The following FARS2 variants were observed in gnomAD, a reference collection of about 807,000 sequenced individuals.
FARS2 encodes the protein phenylalanyl-tRNA synthetase 2, mitochondrial, also known as phenylalanine--tRNA ligase, mitochondrial.
Under a neutral mutation model 46.4 loss-of-function variants are expected in FARS2, and 40 were observed. That is an observed-to-expected ratio of 0.86 (90% CI 0.67 to 1.12). The LOEUF (loss-of-function observed/expected upper bound fraction) is 1.12, where lower values mean the gene tolerates loss of function less well. Among genes scored for constraint, FARS2 ranks in the 50% most tolerant of loss-of-function variants. FARS2 has a pLI of 0.00. For missense variants in FARS2, 513 were observed against 567.9 expected, an observed-to-expected ratio of 0.90 and a Z score of 0.98; for synonymous variants, 234 against 214.9, an observed-to-expected ratio of 1.09 and a Z score of -0.78.
chr6:5,720,186 T>G (rs1288235629), intron 6 of FARS2, among the ~76,000 whole-genome samples: 1 of 152,230 alleles, frequency 6.6e-6, no homozygotes, highest in African/African-American at 2.4e-5. Flanking sequence ...TTTTAAATTT[T>G]TATCTTGATG....
chr6:5,510,086 G>A (rs1212309057), intron 4 of FARS2, among the ~76,000 whole-genome samples: 2 of 152,146 alleles, frequency 1.3e-5, no homozygotes, highest in Non-Finnish European at 2.9e-5. Context: ...ATTTTTATAG[G>A]ACAACCAAAG....
chr6:5,632,831 C>A (rs1776361182), intron 6 of FARS2, among the ~76,000 whole-genome samples: 1 of 151,988 alleles, frequency 6.6e-6, no homozygotes, highest in Non-Finnish European at 1.5e-5. Context: ...CAATTGAGTT[C>A]TCTCTTTTTT....
intron 2 of FARS2, among the ~76,000 whole-genome samples, chr6:5,400,317 T>G (rs1231031194): frequency 1.3e-5 from 2 of 152,086 alleles, no homozygotes; most frequent in Non-Finnish European, 2.9e-5. Context: ...TTGTCAACTT[T>G]TAAAAGTTTC....
chr6:5,752,056 G>A (rs1761978222), intron 6 of FARS2, among the ~76,000 whole-genome samples: 1 of 152,074 alleles, frequency 6.6e-6, no homozygotes. Context: ...GTTGTGCCGT[G>A]CAAAGATCCC....
chr6:5,469,982 A>G (rs1765721772), intron 4 of FARS2, among the ~76,000 whole-genome samples: 1 of 152,232 alleles, frequency 6.6e-6, no homozygotes, highest in Admixed American at 6.5e-5. Flanking sequence ...GACCTTGAAG[A>G]GTTGTAAAAA....
chr6:5,369,810 G>C (rs139095719), intron 2 of FARS2, among the ~76,000 whole-genome samples: 55 of 151,974 alleles, frequency 3.6e-4, no homozygotes, highest in African/African-American at 1.2e-3. Context: ...GCGTCTGTTA[G>C]ATGTTATCCT....
chr6:5,540,224 C>G (rs1770536476), intron 4 of FARS2, among the ~76,000 whole-genome samples: 1 of 152,188 alleles, frequency 6.6e-6, no homozygotes, highest in Non-Finnish European at 1.5e-5. Context: ...CGATTTTGGA[C>G]TCATACCTTT....
chr6:5,746,848 C>T (rs904605608), intron 6 of FARS2, among the ~76,000 whole-genome samples: 3 of 152,172 alleles, frequency 2.0e-5, no homozygotes, highest in Non-Finnish European at 4.4e-5. Context: ...AAGGAGAAAG[C>T]TCTGTGCATG....
intron 6 of FARS2, among the ~76,000 whole-genome samples, chr6:5,744,733 T>G (rs748747029): frequency 1.3e-5 from 2 of 152,140 alleles, no homozygotes; most frequent in African/African-American, 2.4e-5. Flanking sequence ...GCAACACACC[T>G]CAAAGCTCAG....
chr6:5,368,589 A>G lies in FARS2; in HGVS notation c.19A>G (p.Arg7Gly), dbSNP rs369489810. The change falls in exon 2 of 7, where the codon AGG becomes GGG. Residue 7 changes from arginine to glycine, a missense_variant. Arg to Gly is a moderately radical substitution (Grantham distance 125). Coordinates refer to ENST00000274680, the MANE Select transcript of FARS2 (RefSeq NM_006567.5). MVGSAL[R>G]RGAHAYVYLV... ...TTCTACAATGGTGGGCTCAGCTCTC[A>G]GGAGAGGTGCCCATGCATATGTCTA... The G allele has an allele frequency of 6.2e-7, 1 of 1,612,178 alleles. No homozygotes were observed. Among genetic ancestry groups the G allele is most frequent in the African/African-American group, 1.3e-5 (1 of 74,890 alleles).
Position 5,396,140 on chromosome 6 carries a change from A to G in FARS2, c.613-8402A>G, listed in dbSNP as rs145292141. Among the ~76,000 whole-genome samples the G allele has an allele frequency of 4.5e-3, 692 of 152,290 alleles. 1 individual carries two copies. Among genetic ancestry groups the G allele is most frequent in the Non-Finnish European group, 7.6e-3 (515 of 68,016 alleles). ...GTTCATGAAACCTGGAATTCATATA[A>G]ACTGCTTCCCAAGAGCTCCATGTTG... On this transcript the variant is annotated intron_variant, in intron 2 of 6. Coordinates refer to ENST00000274680, the MANE Select transcript of FARS2 (RefSeq NM_006567.5).
At chr6:5,526,028 A>G (rs1256267203) in intron 4 of FARS2, among the ~76,000 whole-genome samples, 2 of 152,260 alleles carry the variant, frequency 1.3e-5, no homozygotes, top group East Asian at 1.9e-4. Context: ...AAACTACTCA[A>G]TTAGTATCTA....
chr6:5,698,360 C>T (rs537164988), intron 6 of FARS2, among the ~76,000 whole-genome samples: 3 of 152,194 alleles, frequency 2.0e-5, no homozygotes, highest in South Asian at 4.2e-4. Context: ...AGGGAGGTGC[C>T]ACACGCACCA....
chr6:5,260,616 C>A, upstream of FARS2: 2 of 1,489,964 alleles, frequency 1.3e-6, no homozygotes, highest in South Asian at 1.2e-5. Context: ...CCCTGGCCCC[C>A]CGCCCCCGGC....
At chr6:5,542,477 T>G (rs1263092959) in intron 4 of FARS2, among the ~76,000 whole-genome samples, 2 of 152,188 alleles carry the variant, frequency 1.3e-5, no homozygotes, top group African/African-American at 4.8e-5. Context: ...TAATTCAGGG[T>G]TTCTCTGTTT....
At chr6:5,397,074 C>T (rs1027368435) in intron 2 of FARS2, among the ~76,000 whole-genome samples, 1 of 152,028 alleles carries the variant, frequency 6.6e-6, no homozygotes, top group Non-Finnish European at 1.5e-5. Context: ...GTAGAAAATA[C>T]AATCTCAAAT....
intron 1 of FARS2, among the ~76,000 whole-genome samples, chr6:5,293,952 A>G (rs1001203565): frequency 1.3e-5 from 2 of 152,240 alleles, no homozygotes; most frequent in East Asian, 3.8e-4. Context: ...AAAACTTCTT[A>G]GATCATCAAA....
intron 5 of FARS2, among the ~76,000 whole-genome samples, chr6:5,593,715 C>T (rs1212789667): frequency 1.3e-5 from 2 of 152,114 alleles, no homozygotes; most frequent in African/African-American, 2.4e-5. Flanking sequence ...AAAAAAATAG[C>T]CCATAGGAAA....
At chr6:5,744,422 G>C (rs543444182) in intron 6 of FARS2, among the ~76,000 whole-genome samples, 1 of 152,242 alleles carries the variant, frequency 6.6e-6, no homozygotes, top group Non-Finnish European at 1.5e-5. Flanking sequence ...ACCCATTACA[G>C]CAGTCCTCTG....
Sources: gnomAD v4.1 joint callset for allele counts (sites outside exome capture counted in the v4.1 genomes callset) on GRCh38, gnomAD v4.1.1 for gene constraint, MANE v1.5 for transcripts, NCBI Gene and HGNC (gene_info 2026-07-23, HGNC 2026-07-21) for gene names.